Variants in FMN1 observed in about 807,000 individuals in gnomAD.
FMN1 encodes the protein formin-1.
Under a neutral mutation model 132.4 loss-of-function variants are expected in FMN1, and 110 were observed. The ratio of observed to expected loss-of-function variants is 0.83; its 90% CI spans 0.71 to 0.97. FMN1 has a LOEUF of 0.97. Among genes scored for constraint, FMN1 ranks in the 50% least tolerant of loss-of-function variants. The probability of loss-of-function intolerance (pLI) is 0.00; values close to 1 mark genes in which losing one functional copy is unlikely to be tolerated. For synonymous variants in FMN1, 722 were observed against 651.7 expected (o/e 1.11, Z -1.64); for missense variants, 1,792 against 1,705.3 (o/e 1.05, Z -0.90).
At chr15:32,905,385 TG>T (rs2060398626) in intron 12 of FMN1, among the ~76,000 whole-genome samples, 1 of 152,216 alleles carries the variant, frequency 6.6e-6, no homozygotes, top group African/African-American at 2.4e-5. Context: ...GTCTACTGTG[TG>T]GGGGCCCCAA....
intron 7 of FMN1, among the ~76,000 whole-genome samples, chr15:32,988,409 C>T (rs554504240): frequency 4.6e-5 from 7 of 152,100 alleles, no homozygotes; most frequent in Non-Finnish European, 8.8e-5. Flanking sequence ...GTAACAGAAG[C>T]GTGTTTGAGT....
intron 18 of FMN1, among the ~76,000 whole-genome samples, chr15:32,802,168 T>C (rs1306683235): frequency 6.6e-6 from 1 of 152,258 alleles, no homozygotes; most frequent in African/African-American, 2.4e-5. Context: ...AACTTTTTCA[T>C]TTCATGCAAA....
chr15:33,132,712 T>C (rs765576339), intron 4 of FMN1, among the ~76,000 whole-genome samples: 5 of 152,172 alleles, frequency 3.3e-5, no homozygotes, highest in Non-Finnish European at 5.9e-5. Flanking sequence ...GGGGCCTTGG[T>C]GATTTGTTTC....
intron 7 of FMN1, among the ~76,000 whole-genome samples, chr15:32,998,068 A>T (rs2033881926): frequency 6.6e-6 from 1 of 152,218 alleles, no homozygotes; most frequent in Non-Finnish European, 1.5e-5. Flanking sequence ...CTATAAGATG[A>T]TAGTAAGTGT....
intron 4 of FMN1, among the ~76,000 whole-genome samples, chr15:33,122,055 AAAG>A (rs540621458): frequency 4.9e-4 from 69 of 141,692 alleles, no homozygotes; most frequent in African/African-American, 1.2e-3. Flanking sequence ...GCCAATAGAC[AAAG>A]AACAGACAAA....
At chr15:32,839,749 A>G (rs763085291) in intron 17 of FMN1, among the ~76,000 whole-genome samples, 1 of 151,906 alleles carries the variant, frequency 6.6e-6, no homozygotes, top group Non-Finnish European at 1.5e-5. Context: ...TCCTCAAAAT[A>G]AGATTAGGCT....
intron 3 of FMN1, among the ~76,000 whole-genome samples, chr15:33,171,887 T>G (rs1034502878): frequency 6.6e-6 from 1 of 152,150 alleles, no homozygotes; most frequent in Non-Finnish European, 1.5e-5. Flanking sequence ...CCATGAATAG[T>G]ATTTCAAACA....
chr15:33,077,667 C>T (rs1444300710), intron 5 of FMN1, among the ~76,000 whole-genome samples: 2 of 151,606 alleles, frequency 1.3e-5, no homozygotes, highest in Admixed American at 1.3e-4. Flanking sequence ...TTTCCAGCTT[C>T]ATCCATGTCT....
intron 5 of FMN1, chr15:33,067,835 G>A (rs188414930): frequency 6.2e-7 from 1 of 1,613,850 alleles, no homozygotes; most frequent in Admixed American, 1.7e-5. Flanking sequence ...TTCTGGTTTT[G>A]CTGGTTCTGA....
At chr15:33,166,281 G>C (rs1965103489) in intron 3 of FMN1, among the ~76,000 whole-genome samples, 1 of 150,436 alleles carries the variant, frequency 6.6e-6, no homozygotes, top group African/African-American at 2.4e-5. Flanking sequence ...GTATGCTGCT[G>C]TTTCCACTAC....
intron 15 of FMN1, among the ~76,000 whole-genome samples, chr15:32,893,658 A>C (rs1253344851): frequency 6.6e-6 from 1 of 152,248 alleles, no homozygotes; most frequent in Non-Finnish European, 1.5e-5. Flanking sequence ...AAATCACATA[A>C]TTCTACCCTC....
chr15:32,939,010 ATAGAACGACCTGTTAC>A (rs1433737418), intron 9 of FMN1, among the ~76,000 whole-genome samples: 2 of 152,354 alleles, frequency 1.3e-5, no homozygotes, highest in East Asian at 3.9e-4. Context: ...GGAAGAGGGA[ATAGAACGACCTGTTAC>A]TACATCTCCA....
chr15:33,121,891 G>A (rs78954688), intron 4 of FMN1, among the ~76,000 whole-genome samples: 1 of 152,220 alleles, frequency 6.6e-6, no homozygotes, highest in East Asian at 1.9e-4. Context: ...GAAAGCAGTA[G>A]ACTTAGAGCC....
intron 12 of FMN1, among the ~76,000 whole-genome samples, chr15:32,906,872 T>G (rs1596242694): frequency 6.6e-6 from 1 of 152,132 alleles, no homozygotes; most frequent in South Asian, 2.1e-4. Context: ...GAAACCTACT[T>G]TGAGGGGGGA....
At chr15:33,127,815 T>C (rs1479345595) in intron 4 of FMN1, among the ~76,000 whole-genome samples, 2 of 152,216 alleles carry the variant, frequency 1.3e-5, no homozygotes, top group African/African-American at 2.4e-5. Flanking sequence ...CAAGATCTCA[T>C]TCCTCAGTCT....
rs2060473350 is a variant in FMN1, at chr15:32,908,226, G to T, written c.3377+264C>A. The T allele has an allele frequency of 1.1e-5, 4 of 370,954 alleles. No homozygotes were observed. The East Asian group carries it at 1.4e-4, about 13-fold the overall frequency. 23.0% of individuals were successfully genotyped at this position (370,954 alleles called of 1,614,324 possible). ...TTGGTCAAATTGTTTAGTCTAGGAG[G>T]AATTAACAAGTTGCTAGAAAAAGAA... On this transcript the variant is annotated intron_variant, in intron 12 of 20. Transcript: ENST00000616417.
intron 3 of FMN1, among the ~76,000 whole-genome samples, chr15:33,169,778 A>C (rs1965247820): frequency 6.8e-6 from 1 of 147,124 alleles, no homozygotes; most frequent in Non-Finnish European, 1.5e-5. Flanking sequence ...GCCTTTTCCA[A>C]AAAGTTGCAG....
intron 16 of FMN1, among the ~76,000 whole-genome samples, chr15:32,876,020 G>C (rs75785791): frequency 6.6e-6 from 1 of 151,906 alleles, no homozygotes; most frequent in Non-Finnish European, 1.5e-5. Flanking sequence ...ACCATAGGCA[G>C]GTAAAGTATC....
chr15:33,119,149 T>G (rs149161825), intron 4 of FMN1, among the ~76,000 whole-genome samples: 1 of 152,270 alleles, frequency 6.6e-6, no homozygotes, highest in African/African-American at 2.4e-5. Flanking sequence ...AGAGAGAAAC[T>G]TCTATTCTGA....
Sources: allele counts gnomAD v4.1 joint callset (sites outside exome capture counted in the v4.1 genomes callset), GRCh38; gene constraint gnomAD v4.1.1; transcripts MANE v1.5; gene names NCBI Gene and HGNC (gene_info 2026-07-23, HGNC 2026-07-21).